Variants in NRXN3 observed in about 807,000 individuals in gnomAD.
NRXN3 encodes neurexin III.
NRXN3 carries 32 observed loss-of-function variants against 137.6 expected under a neutral mutation model. That is an observed-to-expected ratio of 0.23 (90% CI 0.18 to 0.31). NRXN3 has a LOEUF of 0.31. NRXN3 is among the 10% of genes least tolerant of loss of function. NRXN3 has a pLI of 1.00. For synonymous variants in NRXN3, 798 were observed against 784.5 expected (o/e 1.02, Z -0.29); for missense variants, 1,574 against 2,062.5 (o/e 0.76, Z 4.59).
intron 15 of NRXN3, among the ~76,000 whole-genome samples, chr14:79,161,378 ATG>A (rs1315591072): frequency 1.3e-5 from 2 of 151,942 alleles, no homozygotes; most frequent in Non-Finnish European, 2.9e-5. Flanking sequence ...ATTTCAGAGA[ATG>A]TGTCTCTGTC....
At chr14:79,143,549 T>G (rs1414071960) in intron 15 of NRXN3, among the ~76,000 whole-genome samples, 1 of 152,212 alleles carries the variant, frequency 6.6e-6, no homozygotes, top group African/African-American at 2.4e-5. Context: ...GGAAATTGAT[T>G]GAAAAGAAAA....
At chr14:78,581,331 C>T (rs938272595) in intron 4 of NRXN3, among the ~76,000 whole-genome samples, 2 of 152,188 alleles carry the variant, frequency 1.3e-5, no homozygotes, top group Non-Finnish European at 2.9e-5. Flanking sequence ...AGTCCAAGAT[C>T]CAGGTGCTGG....
At chr14:79,596,185 T>C (rs1287005180) in intron 16 of NRXN3, among the ~76,000 whole-genome samples, 1 of 152,102 alleles carries the variant, frequency 6.6e-6, no homozygotes. Flanking sequence ...CTGTAAAATA[T>C]GCATTATGGG....
chr14:78,813,815 G>A (rs1031287358), intron 10 of NRXN3, among the ~76,000 whole-genome samples: 1 of 151,744 alleles, frequency 6.6e-6, no homozygotes, highest in Non-Finnish European at 1.5e-5. Flanking sequence ...GAGAGAGAAG[G>A]GTGATCTTGA....
intron 11 of NRXN3, among the ~76,000 whole-genome samples, chr14:78,957,806 G>C (rs2099399737): frequency 6.6e-6 from 1 of 152,204 alleles, no homozygotes; most frequent in Admixed American, 6.5e-5. Flanking sequence ...AACAGTGCAT[G>C]ATACTTAGAA....
In NRXN3 at chr14:78,769,895, T is replaced by C. The variant is rs2098721116; in HGVS notation, c.2045-33725T>C. Among the ~76,000 whole-genome samples the C allele has an allele frequency of 2.0e-5, 3 of 151,728 alleles. No homozygotes were observed. The South Asian group carries it at 6.2e-4, about 32-fold the overall frequency. On this transcript the variant is annotated intron_variant, in intron 8 of 20. Transcript: ENST00000335750. ...ACTTGGCTGAAGTATAAGGTAAGTT[T>C]GGAGGGACAGGGATGCCAGGGTGTG... is the stretch of plus-strand genomic sequence containing the variant.
intron 19 of NRXN3, among the ~76,000 whole-genome samples, chr14:79,775,734 A>G (rs1261242065): frequency 6.6e-6 from 1 of 152,172 alleles, no homozygotes; most frequent in Non-Finnish European, 1.5e-5. Flanking sequence ...CTAAGTAGAC[A>G]TTCTAGCCAA....
rs116719411 is a variant in NRXN3, at chr14:78,521,632, C to T, written c.758-123488C>T. On this transcript the variant is annotated intron_variant, in intron 4 of 20. Transcript: ENST00000335750. Reference sequence around the variant, plus strand: ...TAAGTTTGTGGATGGGGAAAACACTCTCAGATTATTCTAGGGGAGATGAAT... The same window carrying T: ...TAAGTTTGTGGATGGGGAAAACACTTTCAGATTATTCTAGGGGAGATGAAT... Among the ~76,000 whole-genome samples the T allele has an allele frequency of 8.0e-3, 1,213 of 152,160 alleles. 16 individuals carry two copies. The highest frequency in any genetic ancestry group is 0.028 in the African/African-American group (1,164 of 41,530).
intron 14 of NRXN3, among the ~76,000 whole-genome samples, chr14:78,979,909 C>G (rs759526632): frequency 1.3e-5 from 2 of 152,262 alleles, no homozygotes; most frequent in Non-Finnish European, 2.9e-5. Flanking sequence ...ATTCAATTAC[C>G]TCCCACCGGG....
chr14:78,756,026 T>G (rs1170764364), intron 8 of NRXN3, among the ~76,000 whole-genome samples: 3 of 152,188 alleles, frequency 2.0e-5, no homozygotes, highest in Non-Finnish European at 2.9e-5. Context: ...GTATGAGAGA[T>G]ATTTCTCACA....
At chr14:79,353,528 A>G (rs71414794) in intron 15 of NRXN3, among the ~76,000 whole-genome samples, 2,805 of 152,238 alleles carry the variant, frequency 0.018, 84 homozygotes, top group Admixed American at 0.088. Flanking sequence ...TGCATCATGT[A>G]TCATAAATAA....
chr14:79,272,901 G>A (rs910234673), intron 15 of NRXN3, among the ~76,000 whole-genome samples: 4 of 152,136 alleles, frequency 2.6e-5, no homozygotes, highest in Admixed American at 6.5e-5. Flanking sequence ...GGCCGGGTGC[G>A]GTGGCTCACG....
chr14:79,229,611 A>G (rs192629909), intron 15 of NRXN3, among the ~76,000 whole-genome samples: 15 of 152,316 alleles, frequency 9.8e-5, no homozygotes, highest in Admixed American at 8.5e-4. Context: ...CCTGTTTGTC[A>G]GGAGCAGAAA....
At chr14:79,041,558 C>A (rs940706851) in intron 15 of NRXN3, among the ~76,000 whole-genome samples, 8 of 152,126 alleles carry the variant, frequency 5.3e-5, no homozygotes, top group Admixed American at 2.0e-4. Flanking sequence ...AAAAATTATT[C>A]AACTCATTAG....
At chr14:79,483,249 G>C (rs1253254804) in intron 16 of NRXN3, among the ~76,000 whole-genome samples, 1 of 152,104 alleles carries the variant, frequency 6.6e-6, no homozygotes, top group Non-Finnish European at 1.5e-5. Flanking sequence ...TACTGTTCTG[G>C]AACTGGGAAC....
intron 4 of NRXN3, among the ~76,000 whole-genome samples, chr14:78,480,097 C>T (rs551785905): frequency 5.7e-4 from 86 of 152,202 alleles, no homozygotes; most frequent in African/African-American, 1.8e-3. Context: ...GCAGAGATCA[C>T]GCCATGGCAC....
At chr14:78,245,330 A>T (rs773240861) in intron 2 of NRXN3, among the ~76,000 whole-genome samples, 12 of 152,182 alleles carry the variant, frequency 7.9e-5, no homozygotes, top group African/African-American at 1.4e-4. Context: ...CATGGGATCC[A>T]AGCATTTGTA....
At chr14:78,850,550 A>G (rs74067145) in intron 10 of NRXN3, among the ~76,000 whole-genome samples, 13,118 of 152,190 alleles carry the variant, frequency 0.086, 993 homozygotes, top group African/African-American at 0.19. Flanking sequence ...TTGCTTTAGA[A>G]TATTCTTATT....
intron 6 of NRXN3, among the ~76,000 whole-genome samples, chr14:78,696,086 C>T (rs2098223172): frequency 6.6e-6 from 1 of 151,978 alleles, no homozygotes; most frequent in African/African-American, 2.4e-5. Flanking sequence ...AAGCCACAGG[C>T]AGGAGAGATC....
Sources: gnomAD v4.1 joint callset for allele counts (sites outside exome capture counted in the v4.1 genomes callset) on GRCh38, gnomAD v4.1.1 for gene constraint, MANE v1.5 for transcripts, NCBI Gene and HGNC (gene_info 2026-07-23, HGNC 2026-07-21) for gene names.